The following RPUSD1 variants were observed in gnomAD, a reference collection of about 807,000 sequenced individuals.
The protein encoded by RPUSD1 is pseudouridylate synthase RPUSD1.
In RPUSD1, 28 loss-of-function variants were observed where a neutral mutation model predicts 22.4. The ratio of observed to expected loss-of-function variants is 1.25; its 90% confidence interval spans 0.93 to 1.72. The LOEUF (loss-of-function observed/expected upper bound fraction) is 1.72. Among genes scored for constraint, RPUSD1 ranks in the 40% most tolerant of loss-of-function variants. The pLI is 0.00. For missense variants in RPUSD1, 596 were observed against 442.2 expected (o/e 1.35, Z -3.12); for synonymous variants, 298 against 201.0 (o/e 1.48, Z -4.08).
At position 787,051 on chromosome 16, in the gene RPUSD1, G is replaced by GC. The variant is rs746472446; in HGVS notation, c.409+25dup. On this transcript the variant is annotated intron_variant, in intron 4 of 5. Transcript: ENST00000007264. ...AGGCCCACCCCAACCCACGATGCCC[G>GC]CCCGGTGGGTCCCTGCCTGCCACAC... 3.8e-6 allele frequency: 6 copies of GC among 1,596,416 alleles called. No homozygotes were observed. The South Asian group carries it at 5.6e-5, about 15-fold the overall frequency.
intron 5 of RPUSD1, 180 bp from the exon 6 acceptor site, chr16:786,557 G>A (rs1033115768): frequency 3.9e-6 from 3 of 768,624 alleles, no homozygotes; most frequent in Admixed American, 2.0e-5. Flanking sequence ...AGAAGATTGT[G>A]TTCAGGTCAC....
At chr16:787,984 G>A in intron 1 of RPUSD1, 1 of 581,642 alleles carries the variant, frequency 1.7e-6, no homozygotes, top group South Asian at 2.0e-5. Flanking sequence ...CCTAAGCCTG[G>A]AGAAAGAGCC....
In RPUSD1 at chr16:788,219, G is replaced by C. The variant is rs1318364116; in HGVS notation, c.-8+37C>G. ...CGGTGGGCAGGCCGACCCTGGCTCC[G>C]AGCCCCTCCCGCGCCCACGCCCACG... On this transcript the variant is annotated intron_variant, in intron 1 of 5. Coordinates refer to ENST00000007264, the MANE Select transcript of RPUSD1 (RefSeq NM_058192.3). The C allele has an allele frequency of 7.6e-6, 3 of 396,182 alleles. No homozygotes were observed. The Admixed American group carries it at 9.2e-5, about 12-fold the overall frequency. The allele number at this position is 396,182 out of a possible 1,614,324, so 24.5% of individuals were successfully genotyped here. A position where few individuals can be genotyped will look rare whatever the true frequency, so the allele number is the denominator to read the frequency against.
Position 786,084 on chromosome 16 carries a change from G to A in RPUSD1, c.805C>T (p.Pro269Ser), listed in dbSNP as rs1324915468. Residue 269 changes from proline to serine, a missense_variant, in exon 6 of 6, where the codon CCA (proline) becomes TCA (serine). Transcript: ENST00000007264. ...DPDPEDRGPR[P>S]GSPSALLPGP... is the part of the protein sequence containing the mutation. ...GGCAGGAGTGCGGAGGGGCTGCCTG[G>A]CCTGGGGCCCCTATCCTCGGGGTCA... 1 of 1,570,248 alleles carries A rather than the reference G, an allele frequency of 6.4e-7. No individual in the cohort carries two copies. The highest frequency in any genetic ancestry group is 8.7e-7 in the Non-Finnish European group (1 of 1,154,810).
rs138672307 is a variant in RPUSD1 at position 786,458 on chromosome 16, G to A, written c.512-81C>T. ...TCTCCCTGACCAGGACCCACCTCCC[G>A]TCATGACCCCGCTGCAGTCTTGAAG... On this transcript the variant is annotated intron_variant, in intron 5 of 5. Transcript: ENST00000007264. 7.8e-3 allele frequency: 10,977 copies of A among 1,402,162 alleles called. 83 individuals carry two copies. The highest frequency in any genetic ancestry group is 0.032 in the Middle Eastern group (133 of 4,216). 86.9% of individuals were successfully genotyped at this position (1,402,162 alleles called of 1,614,324 possible).
Position 787,814 on chromosome 16 carries a change from C to G in RPUSD1, c.-7-70G>C, listed in dbSNP as rs559572322. 95 of 1,495,898 alleles carry G rather than the reference C, an allele frequency of 6.4e-5. No individual in the cohort carries two copies. In the East Asian group the frequency reaches 1.9e-3, roughly 30 times the overall value. 92.7% of individuals were successfully genotyped at this position (1,495,898 alleles called of 1,614,324 possible). On this transcript the variant is annotated intron_variant, in intron 1 of 5. Coordinates refer to ENST00000007264, the MANE Select transcript of RPUSD1 (RefSeq NM_058192.3). The stretch of plus-strand genomic sequence containing the variant: ...GCCCCCAGCCCAGCATACAGAGGTA[C>G]CCGCACCGCCCCACCCGGGCTCCGG...
chr16:786,173 C>T lies in RPUSD1; in HGVS notation c.716G>A (p.Ser239Asn). The change falls in exon 6 of 6, where the codon AGC (serine) becomes AAC (asparagine). Residue 239 changes from serine (S) to asparagine (N), a missense_variant. Physicochemically the swap from Ser to Asn is conservative, Grantham distance 46 (BLOSUM62 1). Transcript: ENST00000007264. ...PFLPSLDACW[S>N]PHTLLQSLDQ... ...CAGCGACTGCAGCAGTGTGTGGGGG[C>T]TCCAGCAGGCATCCAGGGAGGGCAG... The T allele has an allele frequency of 1.9e-6, 3 of 1,612,556 alleles. No homozygotes were observed. Among genetic ancestry groups the T allele is most frequent in the East Asian group, 2.2e-5 (1 of 44,862 alleles).
chr16:786,782 G>T, intron 5 of RPUSD1, 45 bp downstream of exon 5: 2 of 1,518,376 alleles, frequency 1.3e-6, no homozygotes, highest in Non-Finnish European at 1.8e-6. Context: ...CTGTGCCTCA[G>T]TTTCCCTTCT....
intron 1 of RPUSD1, chr16:787,992 G>T (rs1010579965): frequency 1.7e-6 from 1 of 575,772 alleles, no homozygotes; most frequent in East Asian, 3.0e-5. Flanking sequence ...TGGAGAAAGA[G>T]CCCGTTCCAA....
chr16:787,111 G>C lies in RPUSD1; in HGVS notation c.375C>G (p.Gly125=). ...CCTCGATGCACATGGTGTGGGCCCG[G>C]CCCTCCGTGCTGTTCCTGCCAATGG... ...SHAIGRNSTE[G]RAHTMCIEGS... is the part of the protein sequence containing the mutation. The change falls in exon 4 of 6, where the codon GGC becomes GGG. Residue 125 remains glycine, a synonymous_variant. Transcript: ENST00000007264. 6.2e-7 allele frequency: 1 copy of C among 1,607,418 alleles called. No homozygotes were observed. Among genetic ancestry groups the C allele is most frequent in the Non-Finnish European group, 8.5e-7 (1 of 1,178,902 alleles).
In RPUSD1 at chr16:786,224, A is replaced by G; in HGVS notation, c.665T>C (p.Val222Ala). ...YLRIPTDTEC[V>A]EVCTPDPFLP... is the part of the protein sequence containing the mutation. ...GAAGGGGTCAGGCGTGCAGACCTCC[A>G]CACACTCGGTGTCCGTGGGGATGCG... The change falls in exon 6 of 6, where the codon GTG becomes GCG. Residue 222 changes from valine (V) to alanine (A), a missense_variant. Physicochemically the swap from Val to Ala is moderately conservative, Grantham distance 64. Transcript: ENST00000007264. 6.2e-7 allele frequency: 1 copy of G among 1,612,740 alleles called. No individual in the cohort carries two copies. The highest frequency in any genetic ancestry group is 8.5e-7 in the Non-Finnish European group (1 of 1,179,920).
Position 787,355 on chromosome 16 carries a change from A to C in RPUSD1, c.305T>G (p.Leu102Trp). The change falls in exon 3 of 6, where the codon TTG becomes TGG. Residue 102 changes from leucine to tryptophan, a missense_variant and splice_region_variant. Transcript: ENST00000007264. Reference sequence around the variant, plus strand: ...ACCCCAGGACTGACCAGGTCTTACCAATGCCAGGTAAGCCTTGGTCACGCG... The same window carrying C: ...ACCCCAGGACTGACCAGGTCTTACCCATGCCAGGTAAGCCTTGGTCACGCG... ...ERRVTKAYLALLRGHIQESRV... is the reference protein window; with the variant it reads ...ERRVTKAYLAWLRGHIQESRV... 1 of 1,583,928 alleles carries C rather than the reference A, an allele frequency of 6.3e-7. No homozygotes were observed. The highest frequency in any genetic ancestry group is 8.6e-7 in the Non-Finnish European group (1 of 1,165,806).
At position 787,199 on chromosome 16, in the gene RPUSD1, G is replaced by C; in HGVS notation, c.307-20C>G. The C allele has an allele frequency of 6.3e-7, 1 of 1,589,752 alleles. No homozygotes were observed. The highest frequency in any genetic ancestry group is 8.5e-7 in the Non-Finnish European group (1 of 1,171,586). ...CCGCAGCTGCAGGAGAGGGAGAATC[G>C]CACGCAGTTCACGGGGCAGCCCAGT... On this transcript the variant is annotated intron_variant, in intron 3 of 5. Coordinates refer to ENST00000007264, the MANE Select transcript of RPUSD1 (RefSeq NM_058192.3).
At chr16:787,980 C>G (rs543973197) in intron 1 of RPUSD1, 5 of 585,168 alleles carry the variant, frequency 8.5e-6, no homozygotes, top group African/African-American at 3.7e-5. Context: ...CTGACCTAAG[C>G]CTGGAGAAAG....
At position 785,889 on chromosome 16, in the gene RPUSD1, T is replaced by C. The variant is rs2041885433; in HGVS notation, c.*61A>G. 3 of 1,335,442 alleles carry C rather than the reference T, an allele frequency of 2.2e-6. No individual in the cohort carries two copies. In the South Asian group the frequency reaches 5.5e-5, roughly 25 times the overall value. 82.7% of individuals were successfully genotyped at this position (1,335,442 alleles called of 1,614,324 possible). A position where few individuals can be genotyped will look rare whatever the true frequency, so the allele number is the denominator to read the frequency against. ...CCAGAGCCAGTGAGCAGACGCTCGCTCGCCCATCTCCCTAGAGTCCCGCTG... is the reference window on the plus strand; with the variant it reads ...CCAGAGCCAGTGAGCAGACGCTCGCCCGCCCATCTCCCTAGAGTCCCGCTG... On this transcript the variant is annotated 3_prime_UTR_variant, in exon 6 of 6. Transcript: ENST00000007264.
Position 785,817 on chromosome 16 carries a change from G to A in RPUSD1, c.*133C>T. The A allele has an allele frequency of 1.2e-6, 1 of 816,340 alleles. No homozygotes were observed. Among genetic ancestry groups the A allele is most frequent in the Non-Finnish European group, 1.7e-6 (1 of 584,972 alleles). 50.6% of individuals were successfully genotyped at this position (816,340 alleles called of 1,614,324 possible). On this transcript the variant is annotated 3_prime_UTR_variant, in exon 6 of 6. Coordinates refer to ENST00000007264, the MANE Select transcript of RPUSD1 (RefSeq NM_058192.3). ...CACCTCAGCCCTTCCTCGCAGGCCT[G>A]GCCGGGGCAACCCAGTGGGCCTGAT...
At chr16:787,851 C>T (rs970741399) in intron 1 of RPUSD1, 107 bp from the exon 2 acceptor site, 1 of 1,181,168 alleles carries the variant, frequency 8.5e-7, no homozygotes, top group Non-Finnish European at 1.2e-6. Context: ...GCGAAGCCAC[C>T]GAGCCGGGTC....
At chr16:788,188 C>G (rs1391093130) in intron 1 of RPUSD1, 68 bp downstream of exon 1, 3 of 413,860 alleles carry the variant, frequency 7.2e-6, no homozygotes, top group African/African-American at 2.2e-5. Flanking sequence ...GCGCCCCGCA[C>G]AGGCCCGGTG....
At position 786,128 on chromosome 16, in the gene RPUSD1, A is replaced by G. The variant is rs1326886212; in HGVS notation, c.761T>C (p.Leu254Ser). 3 of 1,603,916 alleles carry G rather than the reference A, an allele frequency of 1.9e-6. No individual in the cohort carries two copies. Among genetic ancestry groups the G allele is most frequent in the South Asian group, 1.1e-5 (1 of 90,912 alleles). The change falls in exon 6 of 6, where the codon TTA becomes TCA. Residue 254 changes from leucine (L) to serine (S), a missense_variant. Physicochemically the swap from Leu to Ser is moderately radical, Grantham distance 145 (BLOSUM62 -2). Transcript: ENST00000007264. Reference sequence around the variant, plus strand: ...GGGGTCAGGGTCGGGGGTGGCCCGTAAGGCCTGCACGAGCTGGTCCAGCGA... The same window carrying G: ...GGGGTCAGGGTCGGGGGTGGCCCGTGAGGCCTGCACGAGCTGGTCCAGCGA... ...LQSLDQLVQA[L>S]RATPDPDPED...
Sources: gnomAD v4.1 joint callset for allele counts on GRCh38, gnomAD v4.1.1 for gene constraint, MANE v1.5 for transcripts, NCBI Gene and HGNC (gene_info 2026-07-23, HGNC 2026-07-21) for gene names.